Variants in NFAM1 observed in about 807,000 individuals in gnomAD.
The protein encoded by NFAM1 is NFAT activation molecule 1.
NFAM1 carries 17 observed loss-of-function variants against 29.0 expected under a neutral mutation model. The ratio of observed to expected loss-of-function variants is 0.59; its 90% CI spans 0.40 to 0.88. NFAM1 has a LOEUF of 0.88. NFAM1 is among the 40% of genes least tolerant of loss of function. The pLI is 0.00. For missense variants in NFAM1, 324 were observed against 344.6 expected (o/e 0.94, Z 0.47); for synonymous variants, 175 against 147.2 (o/e 1.19, Z -1.36).
At chr22:42,416,156 G>A (rs1930253476) in intron 1 of NFAM1, among the ~76,000 whole-genome samples, 1 of 152,210 alleles carries the variant, frequency 6.6e-6, no homozygotes, top group Non-Finnish European at 1.5e-5. Flanking sequence ...ATCCTAGGCG[G>A]CAACTATTGC....
intron 4 of NFAM1, among the ~76,000 whole-genome samples, chr22:42,389,457 C>T (rs1281813971): frequency 2.0e-5 from 3 of 152,214 alleles, no homozygotes; most frequent in African/African-American, 7.2e-5. Context: ...TGACCTGCAT[C>T]ACCAGGCTGT....
chr22:42,425,862 C>T (rs1930605165), intron 1 of NFAM1, among the ~76,000 whole-genome samples: 1 of 152,214 alleles, frequency 6.6e-6, no homozygotes, highest in South Asian at 2.1e-4. Context: ...TCATGCCCCA[C>T]ATGCCTCTGA....
intron 1 of NFAM1, among the ~76,000 whole-genome samples, chr22:42,413,565 C>T (rs1050029870): frequency 1.3e-5 from 2 of 151,892 alleles, no homozygotes; most frequent in Admixed American, 6.6e-5. Context: ...TGCTTGAGGC[C>T]TGGAGTTCGA....
chr22:42,424,506 G>A (rs542657846), intron 1 of NFAM1, among the ~76,000 whole-genome samples: 44 of 152,304 alleles, frequency 2.9e-4, no homozygotes, highest in African/African-American at 7.0e-4. Flanking sequence ...GAAGCAAGCC[G>A]AACTTGTTCA....
intron 1 of NFAM1, among the ~76,000 whole-genome samples, chr22:42,416,421 C>T (rs1930261866): frequency 6.6e-6 from 1 of 152,184 alleles, no homozygotes; most frequent in African/African-American, 2.4e-5. Flanking sequence ...AGAGCCAGCA[C>T]CCAGGCTGGG....
chr22:42,407,903 CTTTTT>C (rs61407898), intron 3 of NFAM1, among the ~76,000 whole-genome samples: 3 of 103,310 alleles, frequency 2.9e-5, no homozygotes, highest in East Asian at 2.8e-4. Context: ...ACAGATTTCT[CTTTTT>C]TTTTTTTTTT....
At chr22:42,437,579 G>T in the NFAM1 span, among the ~76,000 whole-genome samples, 2 of 152,152 alleles carry the variant, frequency 1.3e-5, no homozygotes, top group Admixed American at 6.5e-5. Flanking sequence ...GAGCCACCAA[G>T]TCCCCCACTA....
At chr22:42,410,262 G>C in intron 2 of NFAM1, 1 of 225,218 alleles carries the variant, frequency 4.4e-6, no homozygotes, top group Non-Finnish European at 9.3e-6. Context: ...ATGGGATTCC[G>C]AAGCCCCCAG....
chr22:42,411,019 C>CT (rs138369373), intron 2 of NFAM1, among the ~76,000 whole-genome samples: 7,606 of 121,090 alleles, frequency 0.063, 624 homozygotes, highest in African/African-American at 0.21. Context: ...CTTTTCTTTT[C>CT]TTTTTTTTTT....
intron 3 of NFAM1, among the ~76,000 whole-genome samples, chr22:42,406,251 G>A (rs1477053236): frequency 6.6e-6 from 1 of 152,162 alleles, no homozygotes; most frequent in Admixed American, 6.5e-5. Context: ...CCTTTCATCT[G>A]CTTTGCTCAC....
chr22:42,422,057 C>T (rs890331922), intron 1 of NFAM1, among the ~76,000 whole-genome samples: 1 of 152,178 alleles, frequency 6.6e-6, no homozygotes, highest in African/African-American at 2.4e-5. Flanking sequence ...CTTTTAGCAC[C>T]GTTGCCTTTG....
chr22:42,393,584 T>A (rs1929420000), intron 4 of NFAM1, among the ~76,000 whole-genome samples: 1 of 150,008 alleles, frequency 6.7e-6, no homozygotes, highest in African/African-American at 2.5e-5. Flanking sequence ...AATTTTTTTT[T>A]TTTTTGTATT....
At chr22:42,397,437 AAGGGCGTG>A (rs1281772382) in intron 4 of NFAM1, among the ~76,000 whole-genome samples, 37 of 152,344 alleles carry the variant, frequency 2.4e-4, no homozygotes, top group African/African-American at 8.4e-4. Flanking sequence ...CTGATGTGTT[AAGGGCGTG>A]GGATGGCGCC....
chr22:42,417,855 G>A (rs1167483491), intron 1 of NFAM1, among the ~76,000 whole-genome samples: 1 of 152,178 alleles, frequency 6.6e-6, no homozygotes, highest in East Asian at 1.9e-4. Flanking sequence ...GCCACACGGT[G>A]TCTGGGAGGG....
chr22:42,401,323 C>T (rs1156984557), intron 3 of NFAM1, among the ~76,000 whole-genome samples: 1 of 152,218 alleles, frequency 6.6e-6, no homozygotes, highest in Non-Finnish European at 1.5e-5. Flanking sequence ...GGAGATGAGC[C>T]ACAGGCTGGC....
Position 42,384,477 on chromosome 22 carries a change from G to C in NFAM1, c.*684C>G, listed in dbSNP as rs1486405845. 6.4e-6 allele frequency: 1 copy of C among 155,118 alleles called. No homozygotes were observed. Among genetic ancestry groups the C allele is most frequent in the African/African-American group, 2.4e-5 (1 of 41,396 alleles). 9.6% of individuals were successfully genotyped at this position (155,118 alleles called of 1,614,324 possible). A position where few individuals can be genotyped will look rare whatever the true frequency, so the allele number is the denominator to read the frequency against. On this transcript the variant is annotated 3_prime_UTR_variant, in exon 6 of 6. Transcript: ENST00000329021. The stretch of plus-strand genomic sequence containing the variant: ...CATGCCAGAATCTCCTTCCTCTCCA[G>C]CTTGTACCCAAGCCCTCTCTGCTCC...
intron 2 of NFAM1, among the ~76,000 whole-genome samples, chr22:42,410,988 A>T (rs1308510828): frequency 6.6e-6 from 1 of 150,894 alleles, no homozygotes; most frequent in Non-Finnish European, 1.5e-5. Flanking sequence ...GCTGGTAGAC[A>T]AGGCAAACCA....
Position 42,397,877 on chromosome 22 carries a change from G to A in NFAM1, c.644C>T (p.Pro215Leu). Residue 215 changes from proline (P) to leucine (L), a missense_variant, in exon 4 of 6, where the codon CCT (proline) becomes CTT (leucine). Physicochemically the swap from Pro to Leu is moderately conservative, Grantham distance 98. Transcript: ENST00000329021. Reference protein sequence around the residue: ...PRSASSPKQHPSESVYTALQR... With the variant: ...PRSASSPKQHLSESVYTALQR... The stretch of plus-strand genomic sequence containing the variant: ...ACTCACTGTGTAGACAGATTCTGAA[G>A]GATGCTGCTTGGGGCTGCTGGCAGA... 1 of 1,612,692 alleles carries A rather than the reference G, an allele frequency of 6.2e-7. No individual in the cohort carries two copies. Among genetic ancestry groups the A allele is most frequent in the Non-Finnish European group, 8.5e-7 (1 of 1,178,758 alleles).
intron 4 of NFAM1, among the ~76,000 whole-genome samples, chr22:42,392,743 C>T (rs1242901373): frequency 1.3e-5 from 2 of 151,998 alleles, no homozygotes; most frequent in African/African-American, 4.8e-5. Flanking sequence ...GTTTGTCTGA[C>T]CCACCCCGAA....
Sources: allele counts gnomAD v4.1 joint callset (sites outside exome capture counted in the v4.1 genomes callset), GRCh38; gene constraint gnomAD v4.1.1; transcripts MANE v1.5; gene names NCBI Gene and HGNC (gene_info 2026-07-23, HGNC 2026-07-21).